The following CCSER1 variants were observed in gnomAD, a reference collection of about 807,000 sequenced individuals.
The protein encoded by CCSER1 is coiled-coil serine rich protein 1.
In CCSER1, 41 loss-of-function variants were observed where a neutral mutation model predicts 82.0. The ratio of observed to expected loss-of-function variants is 0.50; its 90% CI spans 0.39 to 0.65. The LOEUF (loss-of-function observed/expected upper bound fraction) is 0.65. Ranked by LOEUF, CCSER1 falls within the 30% of genes least tolerant of loss-of-function variation. The probability of loss-of-function intolerance (pLI) is 0.00; values close to 1 mark genes in which losing one functional copy is unlikely to be tolerated. For synonymous variants in CCSER1, 414 were observed against 383.9 expected (o/e 1.08, Z -0.92); for missense variants, 1,119 against 1,064.2 (o/e 1.05, Z -0.72).
intron 10 of CCSER1, among the ~76,000 whole-genome samples, chr4:91,279,058 A>AT (rs111853730): frequency 0.011 from 1,589 of 140,770 alleles, 13 homozygotes; most frequent in Middle Eastern, 0.027. Flanking sequence ...CGCCAGGTTT[A>AT]TTTTTTTTTT....
intron 4 of CCSER1, among the ~76,000 whole-genome samples, chr4:90,459,147 C>G (rs1762553722): frequency 6.6e-6 from 1 of 152,146 alleles, no homozygotes; most frequent in Non-Finnish European, 1.5e-5. Context: ...CAAATTCTTA[C>G]AACTATACAC....
At chr4:91,119,803 G>T (rs575954954) in intron 10 of CCSER1, among the ~76,000 whole-genome samples, 69 of 152,098 alleles carry the variant, frequency 4.5e-4, no homozygotes, top group African/African-American at 1.7e-3. Flanking sequence ...TGCATATATT[G>T]TGTAGTGTGC....
intron 6 of CCSER1, among the ~76,000 whole-genome samples, chr4:90,647,270 G>A (rs1336371221): frequency 6.6e-6 from 1 of 152,066 alleles, no homozygotes; most frequent in African/African-American, 2.4e-5. Flanking sequence ...CAAGCGCTGT[G>A]GTATTGTTCC....
chr4:90,647,401 T>G (rs1727788263), intron 6 of CCSER1, among the ~76,000 whole-genome samples: 1 of 152,182 alleles, frequency 6.6e-6, no homozygotes, highest in South Asian at 2.1e-4. Context: ...TACAGGGCTT[T>G]CTAGATTTCA....
chr4:90,702,918 A>G (rs1411930527), intron 6 of CCSER1, among the ~76,000 whole-genome samples: 1 of 152,116 alleles, frequency 6.6e-6, no homozygotes, highest in Non-Finnish European at 1.5e-5. Context: ...CTTTTCAAAA[A>G]ACCAGCTCCT....
At chr4:90,267,236 G>T (rs1265532999) in intron 1 of CCSER1, among the ~76,000 whole-genome samples, 1 of 151,944 alleles carries the variant, frequency 6.6e-6, no homozygotes, top group Non-Finnish European at 1.5e-5. Context: ...TGGTGGTAGT[G>T]GACACAGGGA....
rs372583187 is a variant in CCSER1, at chr4:91,043,753, G to A, written c.2173-42197G>A. On this transcript the variant is annotated intron_variant, in intron 9 of 10. Coordinates refer to ENST00000509176, the MANE Select transcript of CCSER1 (RefSeq NM_001145065.2). ...TCACAGGCATGTGCCACCATGCCCA[G>A]CTAATTTTATTTTTAGTAGAGACGG... Among the ~76,000 whole-genome samples, 7 of 152,116 alleles carry A rather than the reference G, an allele frequency of 4.6e-5. No individual in the cohort carries two copies. In the East Asian group the frequency reaches 1.4e-3, roughly 29 times the overall value.
chr4:90,651,931 G>A (rs1728827318), intron 6 of CCSER1, among the ~76,000 whole-genome samples: 1 of 152,144 alleles, frequency 6.6e-6, no homozygotes, highest in South Asian at 2.1e-4. Context: ...CTTGGGGGAT[G>A]AGAAATAGCA....
rs191755049 is a variant in CCSER1, at chr4:91,566,194, A to G, written c.2218-32378A>G. Among the ~76,000 whole-genome samples the G allele has an allele frequency of 2.0e-3, 301 of 152,274 alleles. 1 individual carries two copies. The highest frequency in any genetic ancestry group is 7.1e-3 in the African/African-American group (293 of 41,560). ...TCTGTTGATGTGATGAATCACATTT[A>G]TTGATTTGCATATATTGAACCAACC... On this transcript the variant is annotated intron_variant, in intron 10 of 10. Coordinates refer to ENST00000509176, the MANE Select transcript of CCSER1 (RefSeq NM_001145065.2).
At chr4:91,038,072 A>G (rs1245253207) in intron 9 of CCSER1, among the ~76,000 whole-genome samples, 1 of 152,182 alleles carries the variant, frequency 6.6e-6, no homozygotes, top group African/African-American at 2.4e-5. Context: ...CATAGAGATA[A>G]CGTCAATTGA....
chr4:90,317,677 TATATA>T (rs1189686191), intron 3 of CCSER1, among the ~76,000 whole-genome samples: 4 of 152,068 alleles, frequency 2.6e-5, no homozygotes, highest in African/African-American at 9.7e-5. Context: ...TCTAGCGACT[TATATA>T]ATATAGATTT....
At chr4:91,544,484 G>C (rs1463252466) in intron 10 of CCSER1, among the ~76,000 whole-genome samples, 1 of 152,074 alleles carries the variant, frequency 6.6e-6, no homozygotes, top group Non-Finnish European at 1.5e-5. Flanking sequence ...GTACAGATGG[G>C]GTTTTGGTGT....
At chr4:90,485,855 A>T (rs992948888) in intron 5 of CCSER1, among the ~76,000 whole-genome samples, 1 of 152,042 alleles carries the variant, frequency 6.6e-6, no homozygotes, top group East Asian at 1.9e-4. Flanking sequence ...AGCTCCATGC[A>T]CATTCCTGCA....
intron 10 of CCSER1, among the ~76,000 whole-genome samples, chr4:91,142,307 C>T (rs750968505): frequency 5.3e-5 from 8 of 152,164 alleles, no homozygotes; most frequent in Non-Finnish European, 7.3e-5. Context: ...CTCTTGCTTT[C>T]TGCCATGATT....
intron 9 of CCSER1, among the ~76,000 whole-genome samples, chr4:90,986,786 G>T (rs1221362514): frequency 6.6e-6 from 1 of 151,734 alleles, no homozygotes; most frequent in African/African-American, 2.4e-5. Context: ...TCATTGGCAT[G>T]ATTATATTTA....
intron 3 of CCSER1, among the ~76,000 whole-genome samples, chr4:90,354,236 A>G (rs528008666): frequency 6.6e-6 from 1 of 152,194 alleles, no homozygotes; most frequent in Non-Finnish European, 1.5e-5. Flanking sequence ...TGTGGAATAT[A>G]AAAAAGTTGG....
chr4:90,349,219 A>G (rs1379467987), intron 3 of CCSER1, among the ~76,000 whole-genome samples: 2 of 152,122 alleles, frequency 1.3e-5, no homozygotes, highest in Non-Finnish European at 2.9e-5. Flanking sequence ...GCATGAAATT[A>G]TTTTTTAAAT....
intron 3 of CCSER1, among the ~76,000 whole-genome samples, chr4:90,326,293 C>A (rs951701230): frequency 5.9e-5 from 9 of 152,054 alleles, no homozygotes; most frequent in African/African-American, 2.2e-4. Flanking sequence ...ATCTCCTGAC[C>A]TCGTGATCCT....
At chr4:90,943,746 T>A (rs1035137820) in intron 9 of CCSER1, among the ~76,000 whole-genome samples, 1 of 137,834 alleles carries the variant, frequency 7.3e-6, no homozygotes, top group Admixed American at 7.3e-5. Flanking sequence ...TTTTTTTTTT[T>A]TTTTTTTTTT....
Sources: gnomAD v4.1 joint callset for allele counts (sites outside exome capture counted in the v4.1 genomes callset) on GRCh38, gnomAD v4.1.1 for gene constraint, MANE v1.5 for transcripts, NCBI Gene and HGNC (gene_info 2026-07-23, HGNC 2026-07-21) for gene names.